POMT2: variants seen among roughly 807,000 people sequenced by gnomAD.
POMT2 encodes the protein protein O-mannosyltransferase 2.
POMT2 carries 75 observed loss-of-function variants against 100.0 expected under a neutral mutation model. That is an observed-to-expected ratio of 0.75 (90% CI 0.62 to 0.91). The LOEUF (loss-of-function observed/expected upper bound fraction) is 0.91. Ranked by LOEUF, POMT2 falls within the 40% of genes least tolerant of loss-of-function variation. POMT2 has a pLI of 0.00. For synonymous variants in POMT2, 378 were observed against 374.1 expected, an observed-to-expected ratio of 1.01 and a Z score of -0.12; for missense variants, 940 against 955.1, an observed-to-expected ratio of 0.98 and a Z score of 0.21.
intron 13 of POMT2, chr14:77,285,248 A>G (rs1890378625): frequency 1.4e-6 from 1 of 710,618 alleles, no homozygotes; most frequent in Admixed American, 2.7e-5. Flanking sequence ...CCAGAGAGTT[A>G]TTAGCACCAG....
chr14:77,314,621 G>C (rs1425057398), intron 1 of POMT2, among the ~76,000 whole-genome samples: 1 of 152,176 alleles, frequency 6.6e-6, no homozygotes, highest in African/African-American at 2.4e-5. Context: ...CCCACTATTA[G>C]AGAGGCTGAT....
chr14:77,280,389 T>C lies in POMT2; in HGVS notation c.1725+3A>G. 1.9e-6 allele frequency: 3 copies of C among 1,610,624 alleles called. No individual in the cohort carries two copies. The highest frequency in any genetic ancestry group is 2.5e-6 in the Non-Finnish European group (3 of 1,177,788). ...TGGGAGGAGCCCCAGCCTTGGATCC[T>C]ACCTGATAGTTGATAGGCCAGTGCC... On this transcript the variant is annotated splice_donor_region_variant and intron_variant, in intron 16 of 20. Transcript: ENST00000261534.
intron 1 of POMT2, among the ~76,000 whole-genome samples, chr14:77,313,026 G>A (rs1385294549): frequency 1.3e-5 from 2 of 152,210 alleles, no homozygotes; most frequent in African/African-American, 4.8e-5. Context: ...ACAATGCAAA[G>A]TCCTCTTTTA....
At chr14:77,298,268 C>A (rs1890900064) in intron 8 of POMT2, among the ~76,000 whole-genome samples, 1 of 152,188 alleles carries the variant, frequency 6.6e-6, no homozygotes, top group Non-Finnish European at 1.5e-5. Context: ...CGCTTCCAGC[C>A]ACACCGTGTG....
chr14:77,280,475 T>G lies in POMT2; in HGVS notation c.1654-12A>C, dbSNP rs1452608532. ...AGGCCACTGTTCCCCTGCATGAAGG[T>G]AGCAAAGAAAGCTAGTCAAGACAGA... is the stretch of plus-strand genomic sequence containing the variant. On this transcript the variant is annotated splice_polypyrimidine_tract_variant and intron_variant, in intron 15 of 20. Coordinates refer to ENST00000261534, the MANE Select transcript of POMT2 (RefSeq NM_013382.7). The G allele has an allele frequency of 6.2e-7, 1 of 1,614,066 alleles. No individual in the cohort carries two copies. Among genetic ancestry groups the G allele is most frequent in the Non-Finnish European group, 8.5e-7 (1 of 1,180,036 alleles).
In POMT2 at chr14:77,318,824, T is replaced by C. The variant is rs539707048; in HGVS notation, c.248+1610A>G. 3.0e-3 allele frequency among the ~76,000 whole-genome samples: 453 copies of C among 151,616 alleles called. 3 individuals are homozygous for C. The highest frequency in any genetic ancestry group is 0.011 in the African/African-American group (438 of 41,346). Reference sequence around the variant, plus strand: ...GATCTTAGCTCACTGCAACCTCTGCTTCCCAGGTTCAAGTGATTCTCCCAC... The same window carrying C: ...GATCTTAGCTCACTGCAACCTCTGCCTCCCAGGTTCAAGTGATTCTCCCAC... On this transcript the variant is annotated intron_variant, in intron 1 of 20. Transcript: ENST00000261534.
intron 9 of POMT2, among the ~76,000 whole-genome samples, chr14:77,293,482 CACTT>C (rs1890713867): frequency 6.6e-6 from 1 of 152,204 alleles, no homozygotes; most frequent in African/African-American, 2.4e-5. Flanking sequence ...TTCAGATAAA[CACTT>C]AATCTTCTGG....
chr14:77,290,940 G>A (rs1014441174), intron 10 of POMT2, among the ~76,000 whole-genome samples: 2 of 152,188 alleles, frequency 1.3e-5, no homozygotes, highest in Admixed American at 6.5e-5. Flanking sequence ...TGCAATGTTT[G>A]GTGTGCTCTA....
chr14:77,299,043 T>C (rs1170443760), intron 7 of POMT2, among the ~76,000 whole-genome samples: 1 of 152,228 alleles, frequency 6.6e-6, no homozygotes, highest in Non-Finnish European at 1.5e-5. Flanking sequence ...TCACAAGTGA[T>C]TCTGATTAAA....
At chr14:77,305,179 G>A (rs962498461) in intron 3 of POMT2, among the ~76,000 whole-genome samples, 2 of 152,198 alleles carry the variant, frequency 1.3e-5, no homozygotes, top group Non-Finnish European at 2.9e-5. Context: ...TTACACAACT[G>A]TAGGTACAAG....
intron 1 of POMT2, among the ~76,000 whole-genome samples, chr14:77,313,635 T>C (rs1285728041): frequency 1.3e-5 from 2 of 152,234 alleles, no homozygotes; most frequent in Non-Finnish European, 2.9e-5. Flanking sequence ...ACATTTGTGG[T>C]TAGTTTTTAA....
chr14:77,280,461 C>T lies in POMT2; in HGVS notation c.1656G>A (p.Gly552=). The part of the protein sequence containing the change: ...LLESHMVMIR[G]NSGLKPKDNE... ...TGTCCTTGGGTTTGAGGCCACTGTT[C>T]CCCTGCATGAAGGTAGCAAAGAAAG... is the stretch of plus-strand genomic sequence containing the variant. Residue 552 remains glycine, a splice_region_variant and synonymous_variant, in exon 16 of 21, where the codon GGG becomes GGA. Coordinates refer to ENST00000261534, the MANE Select transcript of POMT2 (RefSeq NM_013382.7). 10 of 1,614,180 alleles carry T rather than the reference C, an allele frequency of 6.2e-6. No individual in the cohort carries two copies. The highest frequency in any genetic ancestry group is 8.5e-6 in the Non-Finnish European group (10 of 1,180,048).
intron 11 of POMT2, chr14:77,287,033 A>AG: frequency 1.0e-6 from 1 of 973,754 alleles, no homozygotes; most frequent in South Asian, 1.7e-5. Context: ...CAGGAGAGAC[A>AG]GATGGTAGGA....
chr14:77,304,858 T>C, intron 3 of POMT2, 58 bp from the exon 4 acceptor site: 1 of 1,547,442 alleles, frequency 6.5e-7, no homozygotes, highest in Non-Finnish European at 8.7e-7. Context: ...AGCGACCTAC[T>C]GGACTCAGTA....
rs771031903 is a variant in POMT2 at position 77,320,598 on chromosome 14, G to A, written c.84C>T (p.Ala28=). ...RGRCGPQAAR[A]AGRDVAAEAV... ...CCTCAGCGGCCACGTCCCGGCCTGC[G>A]GCCCTAGCAGCCTGGGGGCCACAGC... The change falls in exon 1 of 21, where the codon GCC becomes GCT. Residue 28 remains alanine (A), a synonymous_variant. Transcript: ENST00000261534. 9.1e-5 allele frequency: 145 copies of A among 1,585,004 alleles called. No homozygotes were observed. In the South Asian group the frequency reaches 1.5e-3, roughly 17 times the overall value.
chr14:77,278,312 C>T (rs1199045704), intron 20 of POMT2, 82 bp downstream of exon 20: 11 of 1,172,710 alleles, frequency 9.4e-6, no homozygotes, highest in South Asian at 2.6e-5. Context: ...TTAAAAGCAC[C>T]GCAGGGGATT....
intron 9 of POMT2, among the ~76,000 whole-genome samples, chr14:77,294,607 G>A (rs1354511970): frequency 6.6e-6 from 1 of 152,172 alleles, no homozygotes; most frequent in African/African-American, 2.4e-5. Flanking sequence ...CCAGAGATCT[G>A]ATGGTTTTTA....
At chr14:77,306,801 A>G (rs1019659023) in intron 2 of POMT2, 4 of 295,860 alleles carry the variant, frequency 1.4e-5, no homozygotes, top group African/African-American at 8.8e-5. Flanking sequence ...GCTCTTGGAC[A>G]GAGGCTGATT....
At chr14:77,302,708 A>G in intron 5 of POMT2, 127 bp downstream of exon 5, 2 of 754,154 alleles carry the variant, frequency 2.7e-6, no homozygotes. Context: ...AACAAACAAA[A>G]AGTATGCTTG....
Sources: allele counts gnomAD v4.1 joint callset (sites outside exome capture counted in the v4.1 genomes callset), GRCh38; gene constraint gnomAD v4.1.1; transcripts MANE v1.5; gene names NCBI Gene and HGNC (gene_info 2026-07-23, HGNC 2026-07-21).